CACNG5: variants seen among roughly 807,000 people sequenced by gnomAD.
CACNG5 encodes calcium voltage-gated channel auxiliary subunit gamma 5, also known as voltage-dependent calcium channel gamma-5 subunit.
In CACNG5, 18 loss-of-function variants were observed where a neutral mutation model predicts 24.8. The ratio of observed to expected loss-of-function variants is 0.73; its 90% CI spans 0.50 to 1.08. The LOEUF (loss-of-function observed/expected upper bound fraction) is 1.08, where lower values mean the gene tolerates loss of function less well. CACNG5 is among the 50% of genes least tolerant of loss of function. CACNG5 has a pLI of 0.00. For synonymous variants in CACNG5, 157 were observed against 149.1 expected (o/e 1.05, Z -0.39); for missense variants, 349 against 367.9 (o/e 0.95, Z 0.42).
At chr17:66,878,304 G>A (rs1001829432) in intron 2 of CACNG5, among the ~76,000 whole-genome samples, 3 of 152,248 alleles carry the variant, frequency 2.0e-5, no homozygotes, top group Non-Finnish European at 4.4e-5. Context: ...GGCTTTTCTT[G>A]GTAGGGGCTT....
At chr17:66,845,619 A>G (rs1466879093) in intron 1 of CACNG5, among the ~76,000 whole-genome samples, 3 of 152,046 alleles carry the variant, frequency 2.0e-5, no homozygotes, top group Non-Finnish European at 4.4e-5. Flanking sequence ...CCATCAGCCA[A>G]CTTGCCCCCT....
chr17:66,877,391 G>A lies in CACNG5; in HGVS notation c.59G>A (p.Gly20Asp). Residue 20 changes from glycine to aspartate, a missense_variant, in exon 2 of 6, where the codon GGC (glycine) becomes GAC (aspartate). Gly to Asp is a moderately conservative substitution (Grantham distance 94). Transcript: ENST00000533854. ...TLLSSVFAVC[G>D]LGLLGIAVST... ...CTGAGCAGTGTCTTTGCTGTCTGTG[G>A]CTTGGGCCTCCTGGGTATCGCGGTC... 6.2e-7 allele frequency: 1 copy of A among 1,614,150 alleles called. No homozygotes were observed. The highest frequency in any genetic ancestry group is 8.5e-7 in the Non-Finnish European group (1 of 1,180,016).
chr17:66,876,928 G>A (rs1379021384), intron 1 of CACNG5, among the ~76,000 whole-genome samples: 2 of 152,202 alleles, frequency 1.3e-5, no homozygotes, highest in Non-Finnish European at 2.9e-5. Context: ...TCAATGGCAA[G>A]GATAGTGTCA....
chr17:66,877,589 C>T (rs1977101987), intron 2 of CACNG5, 61 bp downstream of exon 2: 4 of 1,427,926 alleles, frequency 2.8e-6, no homozygotes, highest in African/African-American at 1.4e-5. Context: ...CCAAGAGGTC[C>T]CTCCCTGGGA....
intron 1 of CACNG5, among the ~76,000 whole-genome samples, chr17:66,871,109 C>T (rs779074799): frequency 4.6e-5 from 7 of 152,194 alleles, no homozygotes; most frequent in Non-Finnish European, 7.4e-5. Context: ...AAAGATTTTG[C>T]GGTCATTTTT....
rs72843334 is a variant in CACNG5, at chr17:66,841,290, G to A, written c.-104+6040G>A. Among the ~76,000 whole-genome samples, 961 of 152,298 alleles carry A rather than the reference G, an allele frequency of 6.3e-3. 4 individuals are homozygous for A. Among genetic ancestry groups the A allele is most frequent in the South Asian group, 0.011 (51 of 4,820 alleles). On this transcript the variant is annotated intron_variant, in intron 1 of 5. Coordinates refer to ENST00000533854, the MANE Select transcript of CACNG5 (RefSeq NM_145811.3). ...TTTCTGATTGGCCGTTCCAAAAGAG[G>A]CAATCAGATATGCATCTATCTCAGT...
At chr17:66,871,002 C>T (rs1363467973) in intron 1 of CACNG5, among the ~76,000 whole-genome samples, 1 of 151,662 alleles carries the variant, frequency 6.6e-6, no homozygotes, top group Non-Finnish European at 1.5e-5. Context: ...AGTCACATAG[C>T]ATCACTTCTG....
chr17:66,877,200 G>C, intron 1 of CACNG5, 30 bp from the exon 2 acceptor site: 1 of 703,530 alleles, frequency 1.4e-6, no homozygotes, highest in Non-Finnish European at 2.3e-6. Flanking sequence ...TTTGACTTTA[G>C]TTACTGGCTC....
In CACNG5 at chr17:66,886,328, G is replaced by T. The variant is rs1406820846; in HGVS notation, c.*1088G>T. 6.6e-6 allele frequency among the ~76,000 whole-genome samples: 1 copy of T among 152,160 alleles called. No individual in the cohort carries two copies. The highest frequency in any genetic ancestry group is 2.4e-5 in the African/African-American group (1 of 41,438). On this transcript the variant is annotated 3_prime_UTR_variant, in exon 6 of 6. Transcript: ENST00000533854. ...CGAAGGCTGCCTGTGAACATTGGGG[G>T]GTTGCCAATTTAATCCTAATATAGA...
At position 66,887,489 on chromosome 17, in the gene CACNG5, T is replaced by C. The variant is rs909101103; in HGVS notation, c.*2249T>C. 2.0e-5 allele frequency among the ~76,000 whole-genome samples: 3 copies of C among 152,222 alleles called. No homozygotes were observed. Among genetic ancestry groups the C allele is most frequent in the Non-Finnish European group, 4.4e-5 (3 of 68,036 alleles). ...TGTTTACAGAATAATACCAAAACCA[T>C]GTTCTCCTCACCGCAAAGTAAAGGA... On this transcript the variant is annotated 3_prime_UTR_variant, in exon 6 of 6. Coordinates refer to ENST00000533854, the MANE Select transcript of CACNG5 (RefSeq NM_145811.3).
intron 1 of CACNG5, among the ~76,000 whole-genome samples, chr17:66,835,590 G>A (rs1365349204): frequency 6.6e-6 from 1 of 152,194 alleles, no homozygotes; most frequent in African/African-American, 2.4e-5. Flanking sequence ...GACTTGAATG[G>A]GGCTGGCAGA....
chr17:66,886,457 G>A lies in CACNG5; in HGVS notation c.*1217G>A, dbSNP rs1977261793. On this transcript the variant is annotated 3_prime_UTR_variant, in exon 6 of 6. Coordinates refer to ENST00000533854, the MANE Select transcript of CACNG5 (RefSeq NM_145811.3). ...TCTTCTGGTGGGAAACCGGAGCCAG[G>A]AGGGTTTCAATTACCCTCCGTAAGT... Among the ~76,000 whole-genome samples, 1 of 152,172 alleles carries A rather than the reference G, an allele frequency of 6.6e-6. No individual in the cohort carries two copies.
At chr17:66,860,284 A>G (rs1453070249) in intron 1 of CACNG5, among the ~76,000 whole-genome samples, 1 of 152,192 alleles carries the variant, frequency 6.6e-6, no homozygotes, top group Non-Finnish European at 1.5e-5. Flanking sequence ...CAACCTCCTT[A>G]TCTGTAAAGT....
In CACNG5 at chr17:66,887,219, C is replaced by T. The variant is rs1207432084; in HGVS notation, c.*1979C>T. 6.6e-6 allele frequency among the ~76,000 whole-genome samples: 1 copy of T among 152,096 alleles called. No individual in the cohort carries two copies. Among genetic ancestry groups the T allele is most frequent in the Non-Finnish European group, 1.5e-5 (1 of 68,016 alleles). ...AGAGAAGCCAGTTCTGGTCCCAATTCAGCCACTCATTCACCACGAATCCTT... is the reference window on the plus strand; with the variant it reads ...AGAGAAGCCAGTTCTGGTCCCAATTTAGCCACTCATTCACCACGAATCCTT... On this transcript the variant is annotated 3_prime_UTR_variant, in exon 6 of 6. Transcript: ENST00000533854.
intron 1 of CACNG5, among the ~76,000 whole-genome samples, chr17:66,865,809 T>C (rs112098967): frequency 6.7e-6 from 1 of 149,456 alleles, no homozygotes; most frequent in Non-Finnish European, 1.5e-5. Flanking sequence ...TTTTTTTTTT[T>C]TTTTTGTATT....
chr17:66,843,477 C>A (rs143813759), intron 1 of CACNG5, among the ~76,000 whole-genome samples: 2 of 152,150 alleles, frequency 1.3e-5, no homozygotes, highest in African/African-American at 4.8e-5. Flanking sequence ...GACCTATCTC[C>A]GTAATCCCAG....
chr17:66,838,711 A>G (rs1015250137), intron 1 of CACNG5, among the ~76,000 whole-genome samples: 3 of 152,184 alleles, frequency 2.0e-5, no homozygotes, highest in Admixed American at 6.5e-5. Flanking sequence ...TTAAATAATA[A>G]TAACGATGAC....
intron 1 of CACNG5, among the ~76,000 whole-genome samples, chr17:66,849,975 A>G (rs530814602): frequency 6.6e-6 from 1 of 152,310 alleles, no homozygotes; most frequent in Admixed American, 6.5e-5. Flanking sequence ...AGGAAGAAGA[A>G]TTAAAATCCC....
intron 1 of CACNG5, among the ~76,000 whole-genome samples, chr17:66,861,878 T>C (rs574165255): frequency 2.6e-5 from 4 of 152,224 alleles, no homozygotes; most frequent in Non-Finnish European, 5.9e-5. Context: ...CCACTATGTT[T>C]AAGTGGAATC....
Sources: gnomAD v4.1 joint callset for allele counts (sites outside exome capture counted in the v4.1 genomes callset) on GRCh38, gnomAD v4.1.1 for gene constraint, MANE v1.5 for transcripts, NCBI Gene and HGNC (gene_info 2026-07-23, HGNC 2026-07-21) for gene names.